Variants in MTUS1 observed in about 807,000 individuals in gnomAD.
MTUS1 encodes microtubule-associated tumor suppressor 1.
MTUS1 carries 109 observed loss-of-function variants against 120.8 expected under a neutral mutation model. The ratio of observed to expected loss-of-function variants is 0.90; its 90% CI spans 0.77 to 1.06. The LOEUF (loss-of-function observed/expected upper bound fraction) is 1.06. Among genes scored for constraint, MTUS1 ranks in the 50% least tolerant of loss-of-function variants. The pLI, the probability that MTUS1 is intolerant of heterozygous loss-of-function variation, is 0.00. For missense variants in MTUS1, 2,210 were observed against 1,486.3 expected (o/e 1.49, Z -8.01); for synonymous variants, 737 against 550.5 (o/e 1.34, Z -4.74).
intron 1 of MTUS1, among the ~76,000 whole-genome samples, chr8:17,773,198 G>C (rs1175745368): frequency 2.6e-5 from 4 of 152,170 alleles, no homozygotes; most frequent in African/African-American, 9.7e-5. Context: ...GAAAATAAAA[G>C]ACTGTATTAA....
intron 9 of MTUS1, among the ~76,000 whole-genome samples, chr8:17,655,238 ATATTT>A (rs1035328680): frequency 6.7e-5 from 9 of 134,602 alleles, no homozygotes; most frequent in African/African-American, 2.3e-4. Flanking sequence ...AAAAGGTTTG[ATATTT>A]TATTCAGTGA....
At chr8:17,693,701 G>C (rs1206430964) in intron 6 of MTUS1, among the ~76,000 whole-genome samples, 1 of 152,134 alleles carries the variant, frequency 6.6e-6, no homozygotes, top group Non-Finnish European at 1.5e-5. Flanking sequence ...CTGGATTAAA[G>C]GTACCTCCAC....
At chr8:17,747,004 A>G (rs1407282936) in intron 2 of MTUS1, among the ~76,000 whole-genome samples, 2 of 152,196 alleles carry the variant, frequency 1.3e-5, no homozygotes, top group East Asian at 1.9e-4. Context: ...AGATTACTGA[A>G]ACGATGTCCA....
intron 3 of MTUS1, among the ~76,000 whole-genome samples, chr8:17,730,276 G>A (rs1448765938): frequency 1.3e-5 from 2 of 152,190 alleles, no homozygotes; most frequent in Non-Finnish European, 2.9e-5. Flanking sequence ...CAGGCCAGGA[G>A]TTTGAGACCA....
chr8:17,757,960 C>G (rs1208120364), intron 1 of MTUS1, among the ~76,000 whole-genome samples: 1 of 152,140 alleles, frequency 6.6e-6, no homozygotes, highest in South Asian at 2.1e-4. Flanking sequence ...GATTTATATT[C>G]TGATGGAAAG....
chr8:17,716,018 G>T, intron 4 of MTUS1, 117 bp from the exon 5 acceptor site: 1 of 872,802 alleles, frequency 1.1e-6, no homozygotes, highest in Non-Finnish European at 1.8e-6. Context: ...CGACATGCCA[G>T]TCATTACTGA....
chr8:17,789,488 T>C (rs1268145295), intron 1 of MTUS1, among the ~76,000 whole-genome samples: 1 of 152,180 alleles, frequency 6.6e-6, no homozygotes, highest in Non-Finnish European at 1.5e-5. Flanking sequence ...ACCATGAACA[T>C]TTCCTTGTTT....
intron 1 of MTUS1, among the ~76,000 whole-genome samples, chr8:17,760,056 CT>C (rs58249092): frequency 0.18 from 17,049 of 95,360 alleles, 1,113 homozygotes; most frequent in East Asian, 0.31. Context: ...GATTTCTTTT[CT>C]TTTTTTTTTT....
Position 17,767,711 on chromosome 8 carries a change from A to AAAAAACAAACAAACAAACAAACAAAC in MTUS1, c.-154-11751_-154-11750insGTTTGTTTGTTTGTTTGTTTGTTTTT, listed in dbSNP as rs1554533247. Among the ~76,000 whole-genome samples the AAAAAACAAACAAACAAACAAACAAAC allele has an allele frequency of 2.3e-4, 34 of 149,054 alleles. No individual in the cohort carries two copies. In the East Asian group the frequency reaches 3.9e-3, roughly 17 times the overall value. On this transcript the variant is annotated intron_variant, in intron 1 of 14. Transcript: ENST00000693296. ...AAGACCCTGTCTCTTAAAAAAAAAA[A>AAAAAACAAACAAACAAACAAACAAAC]AAAAAAACGGTGTGAAAGAGACTGA... is the stretch of plus-strand genomic sequence containing the variant.
chr8:17,735,262 T>C (rs1039122153), intron 3 of MTUS1, among the ~76,000 whole-genome samples: 1 of 152,178 alleles, frequency 6.6e-6, no homozygotes, highest in Non-Finnish European at 1.5e-5. Flanking sequence ...TGCTACTCTA[T>C]TCCACATTTC....
intron 4 of MTUS1, chr8:17,722,255 G>T (rs2045902385): frequency 2.0e-6 from 2 of 993,042 alleles, no homozygotes; most frequent in African/African-American, 3.5e-5. Flanking sequence ...GATGTCGATG[G>T]AAAACACGGG....
chr8:17,755,515 T>C lies in MTUS1; in HGVS notation c.293A>G (p.His98Arg), dbSNP rs775132535. 1.9e-6 allele frequency: 3 copies of C among 1,614,224 alleles called. No individual in the cohort carries two copies. The East Asian group carries it at 6.7e-5, about 36-fold the overall frequency. Residue 98 changes from histidine (H) to arginine (R), a missense_variant, in exon 2 of 15, where the codon CAT becomes CGT. Transcript: ENST00000693296. Reference sequence around the variant, plus strand: ...AGGACACTGACAAATAGAATCTTTATGCATATCTAACACCTGCTTACTAAT... The same window carrying C: ...AGGACACTGACAAATAGAATCTTTACGCATATCTAACACCTGCTTACTAAT... Reference protein sequence around the residue: ...DFISKQVLDMHKDSICQCPAL... With the variant: ...DFISKQVLDMRKDSICQCPAL...
At chr8:17,660,209 G>A (rs1204739960) in intron 8 of MTUS1, among the ~76,000 whole-genome samples, 2 of 151,936 alleles carry the variant, frequency 1.3e-5, no homozygotes, top group Non-Finnish European at 2.9e-5. Flanking sequence ...CCCATCTCTA[G>A]TAAAAATACA....
intron 2 of MTUS1, among the ~76,000 whole-genome samples, chr8:17,748,825 G>C (rs1393196592): frequency 3.9e-5 from 6 of 152,102 alleles, no homozygotes; most frequent in African/African-American, 1.4e-4. Context: ...CTCAGACAGG[G>C]TCTCTTTTTT....
chr8:17,657,252 G>C (rs1808513168), intron 8 of MTUS1, among the ~76,000 whole-genome samples: 2 of 152,034 alleles, frequency 1.3e-5, no homozygotes, highest in African/African-American at 4.8e-5. Context: ...AGGCACGGTG[G>C]TTTGTGCTAT....
chr8:17,712,896 T>C (rs1821613690), intron 6 of MTUS1, among the ~76,000 whole-genome samples: 4 of 152,026 alleles, frequency 2.6e-5, no homozygotes, highest in Admixed American at 2.6e-4. Context: ...CACTTAAAAA[T>C]TAAGGAATAT....
At position 17,712,316 on chromosome 8, in the gene MTUS1, T is replaced by A. The variant is rs1312315219; in HGVS notation, c.2623+898A>T. On this transcript the variant is annotated intron_variant, in intron 6 of 14. Transcript: ENST00000693296. ...TGTAGGCAGTGTACAGGAGACCTTA[T>A]CTATCTAGAGAGATCAATCCATCTA... 2.6e-5 allele frequency among the ~76,000 whole-genome samples: 4 copies of A among 152,168 alleles called. No individual in the cohort carries two copies. The East Asian group carries it at 7.7e-4, about 29-fold the overall frequency.
intron 1 of MTUS1, among the ~76,000 whole-genome samples, chr8:17,791,604 G>C (rs1433995078): frequency 2.0e-5 from 3 of 152,154 alleles, no homozygotes; most frequent in Non-Finnish European, 2.9e-5. Flanking sequence ...AGTTCAAATG[G>C]AGTATCAGCA....
chr8:17,672,202 C>T (rs1177291437), intron 8 of MTUS1, among the ~76,000 whole-genome samples: 2 of 152,102 alleles, frequency 1.3e-5, no homozygotes, highest in African/African-American at 2.4e-5. Context: ...CCTCACAAAA[C>T]AGCCAGTGTG....
Sources: gnomAD v4.1 joint callset for allele counts (sites outside exome capture counted in the v4.1 genomes callset) on GRCh38, gnomAD v4.1.1 for gene constraint, MANE v1.5 for transcripts, NCBI Gene and HGNC (gene_info 2026-07-23, HGNC 2026-07-21) for gene names.